DENND2B: variants seen among roughly 807,000 people sequenced by gnomAD.
The protein encoded by DENND2B is DENN domain-containing protein 2B.
Under a neutral mutation model 116.0 loss-of-function variants are expected in DENND2B, and 32 were observed. The ratio of observed to expected loss-of-function variants is 0.28; its 90% CI spans 0.21 to 0.37. DENND2B has a LOEUF of 0.37. DENND2B is among the 10% of genes least tolerant of loss of function. The probability of loss-of-function intolerance (pLI) is 1.00; values close to 1 mark genes in which losing one functional copy is unlikely to be tolerated. For missense variants in DENND2B, 1,276 were observed against 1,477.7 expected (o/e 0.86, Z 2.24); for synonymous variants, 588 against 583.9 (o/e 1.01, Z -0.10).
At chr11:8,773,501 C>G (rs1398110585) in intron 1 of DENND2B, among the ~76,000 whole-genome samples, 1 of 152,190 alleles carries the variant, frequency 6.6e-6, no homozygotes, top group Non-Finnish European at 1.5e-5. Context: ...TGCTAAAGAT[C>G]CTCCCCACAC....
At chr11:8,870,935 C>G (rs796900569) in intron 2 of DENND2B, 1 of 152,034 alleles carries the variant, frequency 6.6e-6, no homozygotes, top group Non-Finnish European at 1.5e-5. Flanking sequence ...CCGGGGCCAC[C>G]CGGCCCGGAG....
At chr11:8,711,371 T>C (rs572726052) in intron 9 of DENND2B, 140 bp from the exon 10 acceptor site, 1 of 675,920 alleles carries the variant, frequency 1.5e-6, no homozygotes, top group African/African-American at 1.8e-5. Flanking sequence ...CACTCCGAAT[T>C]CTTACAGAGC....
At chr11:8,816,039 A>AG (rs1418813037) in intron 4 of DENND2B, among the ~76,000 whole-genome samples, 1 of 152,272 alleles carries the variant, frequency 6.6e-6, no homozygotes, top group Non-Finnish European at 1.5e-5. Flanking sequence ...CTGAAAACAC[A>AG]GGAACAGAGT....
upstream of DENND2B, among the ~76,000 whole-genome samples, chr11:8,875,467 G>A (rs1343570479): frequency 6.7e-6 from 1 of 150,234 alleles, no homozygotes; most frequent in East Asian, 2.0e-4. Flanking sequence ...AAGAGTCTCT[G>A]TTGCCCAGGC....
chr11:8,829,908 G>C (rs187753272), intron 4 of DENND2B, among the ~76,000 whole-genome samples: 1 of 152,266 alleles, frequency 6.6e-6, no homozygotes, highest in Admixed American at 6.5e-5. Flanking sequence ...CAAACAGAAC[G>C]TGTCAGTATT....
At chr11:8,859,297 TG>T (rs374823523) in intron 2 of DENND2B, among the ~76,000 whole-genome samples, 130 of 90,128 alleles carry the variant, frequency 1.4e-3, no homozygotes, top group Middle Eastern at 7.8e-3. Context: ...CGTGTTTTTT[TG>T]TTTGTTTGTT....
chr11:8,705,422 T>C (rs1171850538), intron 13 of DENND2B, among the ~76,000 whole-genome samples: 1 of 152,138 alleles, frequency 6.6e-6, no homozygotes, highest in Non-Finnish European at 1.5e-5. Context: ...CTGATCCGGA[T>C]CACGGCTTCC....
Position 8,699,310 on chromosome 11 carries a change from G to A in DENND2B, c.2801C>T (p.Pro934Leu), listed in dbSNP as rs1490342375. The A allele has an allele frequency of 1.2e-6, 2 of 1,606,002 alleles. No homozygotes were observed. Among genetic ancestry groups the A allele is most frequent in the Non-Finnish European group, 1.7e-6 (2 of 1,178,112 alleles). ...GCAGACGATGTCAATCATGGAGGCC[G>A]GGAGGACAGGAATGAAGGTGTGCTG... ...SWQHTFIPVL[P>L]ASMIDIVCCP... Residue 934 changes from proline to leucine, a missense_variant, in exon 15 of 20, where the codon CCG becomes CTG. Physicochemically the swap from Pro to Leu is moderately conservative, Grantham distance 98. Transcript: ENST00000313726.
intron 1 of DENND2B, among the ~76,000 whole-genome samples, chr11:8,791,492 A>G (rs2059372787): frequency 1.3e-5 from 2 of 152,270 alleles, no homozygotes; most frequent in South Asian, 4.1e-4. Context: ...TAAGCCAGGC[A>G]CAGTGGCTCA....
In DENND2B at chr11:8,728,655, A is replaced by G. The variant is rs543291501; in HGVS notation, c.1340+1295T>C. ...TTGGCTCTTCTAAATTTAGCTCAGC[A>G]ACTCCCTCTATGAGGAGCCTCCCTT... On this transcript the variant is annotated intron_variant, in intron 3 of 19. Transcript: ENST00000313726. 2.0e-5 allele frequency among the ~76,000 whole-genome samples: 3 copies of G among 152,304 alleles called. No individual in the cohort carries two copies. The South Asian group carries it at 6.2e-4, about 32-fold the overall frequency.
At chr11:8,751,002 C>T (rs538225365) in intron 1 of DENND2B, among the ~76,000 whole-genome samples, 1 of 152,264 alleles carries the variant, frequency 6.6e-6, no homozygotes, top group East Asian at 1.9e-4. Context: ...AATCAGCACC[C>T]TATGTCTAGC....
chr11:8,757,046 C>G (rs2053731907), intron 1 of DENND2B: 1 of 456,162 alleles, frequency 2.2e-6, no homozygotes, highest in Admixed American at 2.3e-5. Flanking sequence ...AATAAGGTAC[C>G]TCTGGAACTT....
Position 8,701,346 on chromosome 11 carries a change from G to A in DENND2B, c.2720+1226C>T, listed in dbSNP as rs2041591281. Among the ~76,000 whole-genome samples, 3 of 34,574 alleles carry A rather than the reference G, an allele frequency of 8.7e-5. 1 individual carries two copies. In the South Asian group the frequency reaches 3.9e-3, roughly 45 times the overall value. The allele number at this position is 34,574 out of a possible 152,430, so 22.7% of individuals were successfully genotyped here. Reference sequence around the variant, plus strand: ...GCTAGGATGGGAAGGCCAGCTTCCGGGGGGGGGGGGGGGAGGGGCTACATG... The same window carrying A: ...GCTAGGATGGGAAGGCCAGCTTCCGAGGGGGGGGGGGGGAGGGGCTACATG... On this transcript the variant is annotated intron_variant, in intron 14 of 19. Coordinates refer to ENST00000313726, the MANE Select transcript of DENND2B (RefSeq NM_213618.2).
intron 1 of DENND2B, among the ~76,000 whole-genome samples, chr11:8,792,663 A>G (rs2059487807): frequency 6.6e-6 from 1 of 152,252 alleles, no homozygotes; most frequent in Non-Finnish European, 1.5e-5. Flanking sequence ...ACTACCAGAA[A>G]GATAAAAAGA....
chr11:8,898,100 C>A (rs1264456337), intron 1 of DENND2B, among the ~76,000 whole-genome samples: 1 of 152,190 alleles, frequency 6.6e-6, no homozygotes, highest in East Asian at 1.9e-4. Context: ...AGGTGTTCCC[C>A]AAACTATACA....
chr11:8,699,765 C>A, intron 14 of DENND2B: 1 of 439,746 alleles, frequency 2.3e-6, no homozygotes, highest in Non-Finnish European at 4.5e-6. Context: ...TGGGTACCCT[C>A]TCCCACCCCA....
intron 1 of DENND2B, among the ~76,000 whole-genome samples, chr11:8,894,094 G>C (rs1054593716): frequency 3.3e-5 from 5 of 151,784 alleles, no homozygotes; most frequent in Middle Eastern, 3.2e-3. Context: ...AATAATACCA[G>C]ACATCTACAA....
chr11:8,712,623 A>T lies in DENND2B; in HGVS notation c.2100T>A (p.Phe700Leu), dbSNP rs765800181. 6.4e-7 allele frequency: 1 copy of T among 1,568,882 alleles called. No homozygotes were observed. Among genetic ancestry groups the T allele is most frequent in the Admixed American group, 1.9e-5 (1 of 52,748 alleles). Reference protein sequence around the residue: ...EWQERELFEYFVVVSLKKKPS... With the variant: ...EWQERELFEYLVVVSLKKKPS... ...GCTTCTTCTTGAGGGACACCACCAC[A>T]AAGTACTCAAAAAGCTCCCGCTCCT... is the stretch of plus-strand genomic sequence containing the variant. The change falls in exon 9 of 20, where the codon TTT becomes TTA. Residue 700 changes from phenylalanine (F) to leucine (L), a missense_variant. Physicochemically the swap from Phe to Leu is conservative, Grantham distance 22. Transcript: ENST00000313726. This position sits in a 1 kb window ranked among gnomAD's most constrained non-coding sequence, Gnocchi z 4.4.
chr11:8,857,684 T>C (rs1282351951), intron 2 of DENND2B, among the ~76,000 whole-genome samples: 1 of 151,966 alleles, frequency 6.6e-6, no homozygotes, highest in Non-Finnish European at 1.5e-5. Context: ...ACCCCCAGAG[T>C]CCTCCTGGAT....
Sources: gnomAD v4.1 joint callset for allele counts (sites outside exome capture counted in the v4.1 genomes callset) on GRCh38, gnomAD v4.1.1 for gene constraint, Gnocchi (gnomAD v3.1) non-coding constraint, MANE v1.5 for transcripts, NCBI Gene and HGNC (gene_info 2026-07-23, HGNC 2026-07-21) for gene names.